Variants in SOX6 observed in about 807,000 individuals in gnomAD.
The protein encoded by SOX6 is SRY-box transcription factor 6.
Under a neutral mutation model 97.8 loss-of-function variants are expected in SOX6, and 11 were observed. That is an observed-to-expected ratio of 0.11 (90% CI 0.07 to 0.19). The LOEUF (loss-of-function observed/expected upper bound fraction) is 0.19, where lower values mean the gene tolerates loss of function less well. Ranked by LOEUF, SOX6 falls within the 10% of genes least tolerant of loss-of-function variation. The pLI is 1.00. For synonymous variants in SOX6, 360 were observed against 371.4 expected (o/e 0.97, Z 0.35); for missense variants, 810 against 1,039.5 (o/e 0.78, Z 3.04).
In SOX6 at chr11:15,969,969, T is replaced by G. The variant is rs1240352180; in HGVS notation, c.*2840A>C. Reference sequence around the variant, plus strand: ...TCATTTTTAAGAACATGGCTAAAAGTAAATGAACCCCAGTACTGAGGCAGA... The same window carrying G: ...TCATTTTTAAGAACATGGCTAAAAGGAAATGAACCCCAGTACTGAGGCAGA... On this transcript the variant is annotated 3_prime_UTR_variant, in exon 16 of 16. Transcript: ENST00000683767. 1 of 152,136 alleles carries G rather than the reference T, an allele frequency of 6.6e-6. No homozygotes were observed. The highest frequency in any genetic ancestry group is 1.5e-5 in the Non-Finnish European group (1 of 68,014). 9.4% of individuals were successfully genotyped at this position (152,136 alleles called of 1,614,324 possible). A position where few individuals can be genotyped will look rare whatever the true frequency, so the allele number is the denominator to read the frequency against.
At chr11:15,986,182 G>A in intron 15 of SOX6, 22 bp downstream of exon 15, 4 of 1,608,326 alleles carry the variant, frequency 2.5e-6, no homozygotes, top group Non-Finnish European at 3.4e-6. Context: ...AAGCCCAGGT[G>A]GCTAAATTCA....
chr11:16,380,163 G>C (rs997957843), intron 1 of SOX6, among the ~76,000 whole-genome samples: 7 of 151,480 alleles, frequency 4.6e-5, no homozygotes, highest in African/African-American at 1.5e-4. Context: ...TATAATATCT[G>C]TTACTTTTAT....
intron 1 of SOX6, among the ~76,000 whole-genome samples, chr11:16,427,603 G>T (rs1859172191): frequency 6.6e-6 from 1 of 151,882 alleles, no homozygotes. Context: ...CCTTGCAATA[G>T]TTTGCTGAGA....
intron 1 of SOX6, among the ~76,000 whole-genome samples, chr11:16,410,593 C>CA (rs1361873453): frequency 2.0e-5 from 3 of 151,462 alleles, no homozygotes; most frequent in South Asian, 2.1e-4. Context: ...CTCATCTCTA[C>CA]AAAAAACAAA....
At chr11:16,185,690 A>G (rs1292028069) in intron 5 of SOX6, among the ~76,000 whole-genome samples, 2 of 152,210 alleles carry the variant, frequency 1.3e-5, no homozygotes, top group Non-Finnish European at 2.9e-5. Flanking sequence ...CAAATGTGTC[A>G]AGATTAATTT....
intron 3 of SOX6, among the ~76,000 whole-genome samples, chr11:16,246,812 T>C (rs935067083): frequency 4.6e-5 from 7 of 152,146 alleles, no homozygotes; most frequent in African/African-American, 1.4e-4. Context: ...TATTTACAGG[T>C]ACATGTGATG....
chr11:16,656,851 C>T (rs1197353135), intron 3 of SOX6, among the ~76,000 whole-genome samples: 1 of 152,068 alleles, frequency 6.6e-6, no homozygotes, highest in Non-Finnish European at 1.5e-5. Flanking sequence ...ATTGGTCAGA[C>T]GAGAAAGAAA....
At chr11:16,081,370 T>C (rs1564944095) in intron 9 of SOX6, among the ~76,000 whole-genome samples, 1 of 152,116 alleles carries the variant, frequency 6.6e-6, no homozygotes, top group Non-Finnish European at 1.5e-5. Flanking sequence ...ACAAGAACTT[T>C]CTTTTATCCT....
chr11:16,139,679 G>C (rs1850076344), intron 6 of SOX6, among the ~76,000 whole-genome samples: 1 of 151,806 alleles, frequency 6.6e-6, no homozygotes, highest in Non-Finnish European at 1.5e-5. Context: ...ACAGTTTTTA[G>C]AAGCCAAGAT....
intron 4 of SOX6, among the ~76,000 whole-genome samples, chr11:16,603,454 C>A (rs929009381): frequency 4.6e-5 from 7 of 152,076 alleles, no homozygotes; most frequent in Admixed American, 4.6e-4. Flanking sequence ...CAGCCCCAAG[C>A]GGCTAGGCCT....
intron 15 of SOX6, among the ~76,000 whole-genome samples, chr11:15,974,134 T>C (rs1853394182): frequency 6.6e-6 from 1 of 152,186 alleles, no homozygotes; most frequent in Admixed American, 6.5e-5. Flanking sequence ...ATTGTAACTA[T>C]CCTTTTGGAG....
intron 2 of SOX6, among the ~76,000 whole-genome samples, chr11:16,336,605 A>C (rs1242446955): frequency 6.6e-6 from 1 of 152,144 alleles, no homozygotes; most frequent in African/African-American, 2.4e-5. Context: ...TCTACACAGC[A>C]GGCAATGTGA....
chr11:16,352,871 C>T (rs1856985327), intron 1 of SOX6, among the ~76,000 whole-genome samples: 1 of 151,964 alleles, frequency 6.6e-6, no homozygotes, highest in Non-Finnish European at 1.5e-5. Flanking sequence ...CTAACCAATC[C>T]TTTTAACTGT....
chr11:16,074,291 T>G (rs1848296986), intron 9 of SOX6, among the ~76,000 whole-genome samples: 1 of 151,768 alleles, frequency 6.6e-6, no homozygotes, highest in African/African-American at 2.4e-5. Flanking sequence ...TAGAGAAAAC[T>G]CTCAGTGACT....
intron 1 of SOX6, among the ~76,000 whole-genome samples, chr11:16,423,672 G>C (rs1371644883): frequency 6.6e-6 from 1 of 152,130 alleles, no homozygotes; most frequent in African/African-American, 2.4e-5. Context: ...TGGTAAACTT[G>C]CTGAATTTGA....
At chr11:16,302,384 T>C (rs963751746) in intron 3 of SOX6, among the ~76,000 whole-genome samples, 2 of 152,028 alleles carry the variant, frequency 1.3e-5, no homozygotes, top group Non-Finnish European at 2.9e-5. Context: ...AACTCACAGG[T>C]TTATTCATAC....
intron 9 of SOX6, among the ~76,000 whole-genome samples, chr11:16,076,802 G>A (rs936380098): frequency 2.2e-4 from 31 of 140,290 alleles, no homozygotes; most frequent in Admixed American, 6.2e-4. Flanking sequence ...GCCGGACTGC[G>A]GACTGCAGTG....
rs374478209 is a variant in SOX6, at chr11:16,165,855, G to A, written c.777+18031C>T. 5.3e-5 allele frequency among the ~76,000 whole-genome samples: 8 copies of A among 150,280 alleles called. No homozygotes were observed. The East Asian group carries it at 6.0e-4, about 11-fold the overall frequency. On this transcript the variant is annotated intron_variant, in intron 6 of 15. Coordinates refer to ENST00000683767, the MANE Select transcript of SOX6 (RefSeq NM_001367873.1). ...GGAGGTTGCAGTGAGCCAAGATGGCGCCACTGCACTACAGCCTGGGCAACA... is the reference window on the plus strand; with the variant it reads ...GGAGGTTGCAGTGAGCCAAGATGGCACCACTGCACTACAGCCTGGGCAACA...
intron 15 of SOX6, among the ~76,000 whole-genome samples, chr11:15,980,056 A>G (rs1279076096): frequency 6.6e-6 from 1 of 152,136 alleles, no homozygotes; most frequent in Non-Finnish European, 1.5e-5. Flanking sequence ...TGAATGAGAA[A>G]AAACAAATGA....
Sources: allele counts gnomAD v4.1 joint callset (sites outside exome capture counted in the v4.1 genomes callset), GRCh38; gene constraint gnomAD v4.1.1; transcripts MANE v1.5; gene names NCBI Gene and HGNC (gene_info 2026-07-23, HGNC 2026-07-21).